Variants in CTNNA3 observed in about 807,000 individuals in gnomAD.
CTNNA3 encodes the protein catenin alpha 3.
A neutral mutation model predicts 95.7 loss-of-function variants in CTNNA3; 76 were observed. That is an observed-to-expected ratio of 0.79 (90% CI 0.66 to 0.96). CTNNA3 has a LOEUF of 0.96. Ranked by LOEUF, CTNNA3 falls within the 40% of genes least tolerant of loss-of-function variation. CTNNA3 has a pLI of 0.00. For synonymous variants in CTNNA3, 431 were observed against 374.4 expected (o/e 1.15, Z -1.74); for missense variants, 1,191 against 1,089.8 (o/e 1.09, Z -1.31).
intron 13 of CTNNA3, among the ~76,000 whole-genome samples, chr10:66,111,675 T>C (rs1051364972): frequency 4.6e-5 from 7 of 151,962 alleles, no homozygotes; most frequent in African/African-American, 1.7e-4. Context: ...GAGACTGAAG[T>C]TGAGTGGTTA....
At chr10:66,702,148 A>G (rs571240073) in intron 9 of CTNNA3, among the ~76,000 whole-genome samples, 6 of 152,214 alleles carry the variant, frequency 3.9e-5, no homozygotes, top group Admixed American at 3.9e-4. Context: ...TAAAAAAAAA[A>G]CAAATGTGTC....
At chr10:66,683,392 A>G (rs888304947) in intron 9 of CTNNA3, among the ~76,000 whole-genome samples, 1 of 152,196 alleles carries the variant, frequency 6.6e-6, no homozygotes, top group Non-Finnish European at 1.5e-5. Flanking sequence ...TACTGATACT[A>G]TTACAAGTTG....
chr10:66,487,919 C>G (rs1417970180), intron 11 of CTNNA3, among the ~76,000 whole-genome samples: 1 of 152,126 alleles, frequency 6.6e-6, no homozygotes, highest in Non-Finnish European at 1.5e-5. Flanking sequence ...TCTTCAGAAA[C>G]ATTTTACCAG....
chr10:66,211,983 GTTTTTTTTTTTT>G (rs61453326), intron 13 of CTNNA3, among the ~76,000 whole-genome samples: 5 of 95,012 alleles, frequency 5.3e-5, no homozygotes, highest in Non-Finnish European at 9.8e-5. Context: ...TTGTTTTTGG[GTTTTTTTTTTTT>G]TTTTTTTTTT....
At chr10:67,691,543 C>T (rs1303376278) in intron 1 of CTNNA3, among the ~76,000 whole-genome samples, 2 of 151,538 alleles carry the variant, frequency 1.3e-5, no homozygotes, top group Admixed American at 6.6e-5. Flanking sequence ...TCTGCCCTGC[C>T]GCCCCGTCCG....
intron 7 of CTNNA3, among the ~76,000 whole-genome samples, chr10:67,166,483 C>G (rs1412306528): frequency 6.6e-6 from 1 of 152,064 alleles, no homozygotes; most frequent in Non-Finnish European, 1.5e-5. Context: ...TAACCCGAGA[C>G]TTAAAGAACA....
At chr10:66,511,365 GT>G (rs1319302863) in intron 11 of CTNNA3, among the ~76,000 whole-genome samples, 1 of 151,240 alleles carries the variant, frequency 6.6e-6, no homozygotes, top group Non-Finnish European at 1.5e-5. Flanking sequence ...CCTCTAATTT[GT>G]TTCATTCTGT....
At chr10:67,260,685 T>G (rs987010922) in intron 5 of CTNNA3, among the ~76,000 whole-genome samples, 2 of 93,732 alleles carry the variant, frequency 2.1e-5, no homozygotes, top group African/African-American at 1.2e-4. Context: ...GTTTTTTTGT[T>G]TTTTTTTTGT....
intron 17 of CTNNA3, among the ~76,000 whole-genome samples, chr10:65,955,162 GTTCACTCATGA>G (rs2077702530): frequency 6.6e-6 from 1 of 152,170 alleles, no homozygotes. Flanking sequence ...GTGAATGGGA[GTTCACTCATGA>G]TTTGGCTCTC....
chr10:67,230,964 G>T (rs998386567), intron 5 of CTNNA3, among the ~76,000 whole-genome samples: 3 of 152,150 alleles, frequency 2.0e-5, no homozygotes, highest in East Asian at 1.9e-4. Flanking sequence ...GCGCTTTTCC[G>T]ACGGGCTTAA....
intron 11 of CTNNA3, among the ~76,000 whole-genome samples, chr10:66,442,427 A>T (rs1242417100): frequency 6.6e-6 from 1 of 152,162 alleles, no homozygotes; most frequent in East Asian, 1.9e-4. Flanking sequence ...AATATTCTCA[A>T]TTAAAATAAC....
chr10:67,622,645 A>C (rs980737198), intron 2 of CTNNA3, among the ~76,000 whole-genome samples: 4 of 152,250 alleles, frequency 2.6e-5, no homozygotes, highest in African/African-American at 7.2e-5. Flanking sequence ...GTACTATTTT[A>C]ATCAATTAGC....
In CTNNA3 at chr10:65,926,569, C is replaced by T. The variant is rs57516357; in HGVS notation, c.2401-5952G>A. Among the ~76,000 whole-genome samples, 260 of 151,646 alleles carry T rather than the reference C, an allele frequency of 1.7e-3. 11 individuals are homozygous for T. In the East Asian group the frequency reaches 0.045, roughly 26 times the overall value. ...TTGGCTCACTGCAACCTCTGCCTCC[C>T]GGGTTCAAGCGATTCTCCTGCCTCA... On this transcript the variant is annotated intron_variant, in intron 17 of 17. Coordinates refer to ENST00000433211, the MANE Select transcript of CTNNA3 (RefSeq NM_013266.4).
intron 10 of CTNNA3, among the ~76,000 whole-genome samples, chr10:66,555,705 A>G (rs1162649784): frequency 6.6e-6 from 1 of 152,058 alleles, no homozygotes; most frequent in Non-Finnish European, 1.5e-5. Flanking sequence ...CAAATTACCT[A>G]GTCCACCATC....
chr10:67,080,870 C>T (rs1346464047), intron 7 of CTNNA3, among the ~76,000 whole-genome samples: 1 of 150,974 alleles, frequency 6.6e-6, no homozygotes, highest in Non-Finnish European at 1.5e-5. Flanking sequence ...GATCTGGCCA[C>T]TGCACTCCAG....
rs1589137899 is a variant in CTNNA3 at position 65,928,323 on chromosome 10, T to C, written c.2401-7706A>G. Among the ~76,000 whole-genome samples, 6 of 152,198 alleles carry C rather than the reference T, an allele frequency of 3.9e-5. No homozygotes were observed. In the East Asian group the frequency reaches 1.2e-3, roughly 29 times the overall value. On this transcript the variant is annotated intron_variant, in intron 17 of 17. Transcript: ENST00000433211. ...CATTTATGTTTGGCTCTATTTCTGC[T>C]TCATTTCTATGTCTATCTTTATACC...
intron 2 of CTNNA3, among the ~76,000 whole-genome samples, chr10:67,621,748 C>CA (rs3059973): frequency 6.6e-4 from 75 of 113,466 alleles, no homozygotes; most frequent in South Asian, 2.9e-3. Flanking sequence ...GACATCATCT[C>CA]AAAAAAAAAA....
intron 12 of CTNNA3, among the ~76,000 whole-genome samples, chr10:66,356,228 T>A (rs1287064827): frequency 1.3e-5 from 2 of 150,482 alleles, no homozygotes; most frequent in African/African-American, 2.4e-5. Flanking sequence ...TGGAAAAAAA[T>A]TCTGCTAGGA....
rs187527391 is a variant in CTNNA3, at chr10:66,280,562, A to G, written c.1792T>C (p.Leu598=). The G allele has an allele frequency of 2.0e-5, 32 of 1,610,080 alleles. No homozygotes were observed. Among genetic ancestry groups the G allele is most frequent in the Non-Finnish European group, 2.7e-5 (32 of 1,177,846 alleles). ...AATTGATTATCATCCAACACATTCAATGAGCTTTTGCTTAAGGCTTCCAAG... is the reference window on the plus strand; with the variant it reads ...AATTGATTATCATCCAACACATTCAGTGAGCTTTTGCTTAAGGCTTCCAAG... ...VALEALSKSS[L]NVLDDNQFVD... Residue 598 remains leucine, a synonymous_variant, in exon 13 of 18, where the codon TTG becomes CTG. Transcript: ENST00000433211.
Sources: allele counts gnomAD v4.1 joint callset (sites outside exome capture counted in the v4.1 genomes callset), GRCh38; gene constraint gnomAD v4.1.1; transcripts MANE v1.5; gene names NCBI Gene and HGNC (gene_info 2026-07-23, HGNC 2026-07-21).